Variants in KIAA1671 observed in about 807,000 individuals in gnomAD.
KIAA1671 encodes the protein uncharacterized protein KIAA1671.
KIAA1671 carries 52 observed loss-of-function variants against 131.2 expected under a neutral mutation model. The observed-to-expected ratio is 0.40, with a 90% CI of 0.32 to 0.50. KIAA1671 has a LOEUF of 0.50. KIAA1671 is among the 20% of genes least tolerant of loss of function. The probability of loss-of-function intolerance (pLI) is 0.73; values close to 1 mark genes in which losing one functional copy is unlikely to be tolerated. For synonymous variants in KIAA1671, 1,003 were observed against 961.6 expected (o/e 1.04, Z -0.80); for missense variants, 2,360 against 2,364.2 (o/e 1.00, Z 0.04).
chr22:25,029,558 A>AC lies in KIAA1671; in HGVS notation c.1541+19dup. ...ACCAAATTGTAAGTAGGCACATCCC[A>AC]CACCCCTCTCTCAGCCGCCCACCCA... On this transcript the variant is annotated intron_variant, in intron 3 of 12. Coordinates refer to ENST00000358431, the MANE Select transcript of KIAA1671 (RefSeq NM_001145206.2). 6.7e-7 allele frequency: 1 copy of AC among 1,495,760 alleles called. No homozygotes were observed. The allele number at this position is 1,495,760 out of a possible 1,614,324, so 92.7% of individuals were successfully genotyped here.
At chr22:24,989,423 A>G (rs1287446399) in intron 1 of KIAA1671, among the ~76,000 whole-genome samples, 2 of 152,098 alleles carry the variant, frequency 1.3e-5, no homozygotes, top group Non-Finnish European at 1.5e-5. Context: ...CCCCTCATCT[A>G]GAGTTGCTGC....
At chr22:25,077,081 G>A (rs1008589622) in intron 6 of KIAA1671, among the ~76,000 whole-genome samples, 1 of 152,168 alleles carries the variant, frequency 6.6e-6, no homozygotes, top group Non-Finnish European at 1.5e-5. Context: ...CCATGGTGTT[G>A]AAGCAACTTC....
At chr22:25,047,491 T>TGGATGGAGTCTCACTCTATTGCCCA (rs1927311391) in intron 5 of KIAA1671, among the ~76,000 whole-genome samples, 8 of 126,116 alleles carry the variant, frequency 6.3e-5, no homozygotes, top group African/African-American at 2.4e-4. Context: ...TTTTTTGAGA[T>TGGATGGAGTCTCACTCTATTGCCCA]GGATGGAGTC....
intron 1 of KIAA1671, among the ~76,000 whole-genome samples, chr22:25,000,119 G>A (rs1469935270): frequency 6.7e-6 from 1 of 149,778 alleles, no homozygotes; most frequent in Non-Finnish European, 1.5e-5. Flanking sequence ...TCCTGACCTC[G>A]TGATCCACCT....
At chr22:24,974,617 C>T (rs1922815617) in intron 1 of KIAA1671, among the ~76,000 whole-genome samples, 2 of 149,472 alleles carry the variant, frequency 1.3e-5, no homozygotes, top group Non-Finnish European at 3.0e-5. Flanking sequence ...AAACATTTTT[C>T]TTGAACTCTT....
chr22:25,151,253 G>A (rs2145977446), intron 6 of KIAA1671, among the ~76,000 whole-genome samples: 1 of 151,306 alleles, frequency 6.6e-6, no homozygotes, highest in South Asian at 2.1e-4. Flanking sequence ...TGATCCTTAT[G>A]ACATATCTGT....
intron 1 of KIAA1671, among the ~76,000 whole-genome samples, chr22:24,977,723 C>T (rs1179839585): frequency 2.0e-5 from 3 of 152,222 alleles, no homozygotes; most frequent in Non-Finnish European, 4.4e-5. Context: ...GCCTACGTCA[C>T]CCTGCAAGTG....
rs1052785830 is a variant in KIAA1671 at position 25,194,820 on chromosome 22, G to T, written c.*2419G>T. The T allele has an allele frequency of 6.6e-6, 1 of 152,140 alleles. No homozygotes were observed. Among genetic ancestry groups the T allele is most frequent in the Admixed American group, 6.5e-5 (1 of 15,270 alleles). The allele number at this position is 152,140 out of a possible 1,614,324, so 9.4% of individuals were successfully genotyped here. On this transcript the variant is annotated 3_prime_UTR_variant, in exon 13 of 13. Coordinates refer to ENST00000358431, the MANE Select transcript of KIAA1671 (RefSeq NM_001145206.2). ...AGCGACCCTCTTTCACGTGGGCTCT[G>T]CCATGACCTCTGAGACCTGCTTATG... is the stretch of plus-strand genomic sequence containing the variant.
At chr22:24,986,021 A>G (rs149246743) in intron 1 of KIAA1671, among the ~76,000 whole-genome samples, 4 of 152,192 alleles carry the variant, frequency 2.6e-5, no homozygotes, top group African/African-American at 9.6e-5. Flanking sequence ...GGACGTGTGA[A>G]AGACAGGAGT....
At chr22:25,018,898 G>A (rs1925493655) in intron 1 of KIAA1671, among the ~76,000 whole-genome samples, 1 of 152,098 alleles carries the variant, frequency 6.6e-6, no homozygotes, top group Non-Finnish European at 1.5e-5. Context: ...AATTTTAGGG[G>A]GGTATACTCT....
intron 10 of KIAA1671, among the ~76,000 whole-genome samples, chr22:25,182,602 C>T (rs1366443822): frequency 6.6e-6 from 1 of 152,146 alleles, no homozygotes; most frequent in Non-Finnish European, 1.5e-5. Flanking sequence ...TGGCTTCTAC[C>T]ATTAACAATA....
chr22:24,998,490 C>T lies in KIAA1671; in HGVS notation c.-207-27143C>T, dbSNP rs550152232. ...ATCCCAGCACTTCGGGAGGCTGAGG[C>T]GGGCGGATCACGAGGTCAGGAGATC... On this transcript the variant is annotated intron_variant, in intron 1 of 12. Coordinates refer to ENST00000358431, the MANE Select transcript of KIAA1671 (RefSeq NM_001145206.2). 1.7e-4 allele frequency among the ~76,000 whole-genome samples: 26 copies of T among 151,998 alleles called. No homozygotes were observed. In the South Asian group the frequency reaches 4.4e-3, roughly 26 times the overall value.
At chr22:25,173,256 C>G (rs1234097540) in intron 7 of KIAA1671, among the ~76,000 whole-genome samples, 1 of 152,070 alleles carries the variant, frequency 6.6e-6, no homozygotes, top group Admixed American at 6.6e-5. Context: ...TCCAATTCGA[C>G]ATGAGATTTA....
intron 1 of KIAA1671, among the ~76,000 whole-genome samples, chr22:24,974,190 G>A (rs966132223): frequency 1.4e-4 from 21 of 152,188 alleles, no homozygotes; most frequent in Non-Finnish European, 2.9e-4. Flanking sequence ...GTGGGAGATA[G>A]AACTTCTGGG....
chr22:24,981,542 A>G (rs575295194), intron 1 of KIAA1671, among the ~76,000 whole-genome samples: 1 of 152,280 alleles, frequency 6.6e-6, no homozygotes, highest in African/African-American at 2.4e-5. Flanking sequence ...TCAGAAAAAT[A>G]CAGATGCTGG....
At chr22:25,107,469 CTTTTTTTTTTTT>C (rs765558092) in intron 6 of KIAA1671, among the ~76,000 whole-genome samples, 1 of 68,512 alleles carries the variant, frequency 1.5e-5, no homozygotes, top group African/African-American at 6.1e-5. Flanking sequence ...ATCCATGGCA[CTTTTTTTTTTTT>C]TTTTTTTTTT....
intron 6 of KIAA1671, among the ~76,000 whole-genome samples, chr22:25,078,623 G>A (rs1015420497): frequency 1.6e-4 from 24 of 152,224 alleles, no homozygotes; most frequent in African/African-American, 1.2e-4. Flanking sequence ...TGGCCTTATC[G>A]TAGTGCCTGG....
At position 25,192,518 on chromosome 22, in the gene KIAA1671, C is replaced by G. The variant is rs968309459; in HGVS notation, c.*117C>G. 1.3e-5 allele frequency: 2 copies of G among 152,212 alleles called. No homozygotes were observed. Among genetic ancestry groups the G allele is most frequent in the Non-Finnish European group, 2.9e-5 (2 of 68,048 alleles). The allele number at this position is 152,212 out of a possible 1,614,324, so 9.4% of individuals were successfully genotyped here. On this transcript the variant is annotated 3_prime_UTR_variant, in exon 13 of 13. Transcript: ENST00000358431. ...CAACGCTTACGTGCCTGGGCCCTTC[C>G]CATTGGATTGAGAACGCTATCCAGT...
intron 6 of KIAA1671, among the ~76,000 whole-genome samples, chr22:25,104,741 G>T (rs1349569390): frequency 6.6e-6 from 1 of 151,962 alleles, no homozygotes; most frequent in Non-Finnish European, 1.5e-5. Context: ...CTTGGCAATT[G>T]TTCATTTTTT....
Sources: allele counts gnomAD v4.1 joint callset (sites outside exome capture counted in the v4.1 genomes callset), GRCh38; gene constraint gnomAD v4.1.1; transcripts MANE v1.5; gene names NCBI Gene and HGNC (gene_info 2026-07-23, HGNC 2026-07-21).